The following SIN3B variants were observed in gnomAD, a reference collection of about 807,000 sequenced individuals.
The protein encoded by SIN3B is paired amphipathic helix protein Sin3b.
SIN3B carries 19 observed loss-of-function variants against 120.2 expected under a neutral mutation model. The ratio of observed to expected loss-of-function variants is 0.16; its 90% CI spans 0.11 to 0.23. The LOEUF is 0.23. Among genes scored for constraint, SIN3B ranks in the 10% least tolerant of loss-of-function variants. SIN3B has a pLI of 1.00. For synonymous variants in SIN3B, 654 were observed against 653.2 expected (o/e 1.00, Z -0.02); for missense variants, 1,073 against 1,573.0 (o/e 0.68, Z 5.38).
chr19:16,840,249 A>G (rs540138144), intron 3 of SIN3B, among the ~76,000 whole-genome samples: 36 of 152,096 alleles, frequency 2.4e-4, no homozygotes, highest in Non-Finnish European at 1.2e-4. Context: ...AGGTGATTTA[A>G]CTGAGGCCGT....
chr19:16,874,256 C>T (rs1165185174), intron 14 of SIN3B, among the ~76,000 whole-genome samples: 1 of 152,212 alleles, frequency 6.6e-6, no homozygotes, highest in African/African-American at 2.4e-5. Context: ...TTTCTCACAC[C>T]CGGGCAGGGT....
chr19:16,833,755 G>T (rs967829082), intron 3 of SIN3B, among the ~76,000 whole-genome samples: 2 of 150,788 alleles, frequency 1.3e-5, no homozygotes, highest in East Asian at 3.9e-4. Flanking sequence ...AAGGAGTCTC[G>T]CTCTGTCACC....
chr19:16,862,692 G>T lies in SIN3B; in HGVS notation c.1266+133G>T. The T allele has an allele frequency of 1.8e-6, 2 of 1,128,982 alleles. No homozygotes were observed. The highest frequency in any genetic ancestry group is 2.6e-6 in the Non-Finnish European group (2 of 763,068). 69.9% of individuals were successfully genotyped at this position (1,128,982 alleles called of 1,614,324 possible). On this transcript the variant is annotated intron_variant, in intron 9 of 18. Coordinates refer to ENST00000248054, the MANE Select transcript of SIN3B (RefSeq NM_001297595.2). This position sits in a 1 kb window ranked among gnomAD's most constrained non-coding sequence, Gnocchi z 4.7. ...TCCTGAATGTTGGGTTATGGGTGGT[G>T]CTGGGATGTGGCCCGGCAAAACCAC... is the stretch of plus-strand genomic sequence containing the variant.
rs200950203 is a variant in SIN3B, at chr19:16,853,024, C to T, written c.850-45C>T. 15 of 1,528,276 alleles carry T rather than the reference C, an allele frequency of 9.8e-6. No individual in the cohort carries two copies. In the Admixed American group the frequency reaches 1.9e-4, roughly 19 times the overall value. The allele number at this position is 1,528,276 out of a possible 1,614,324, so 94.7% of individuals were successfully genotyped here. On this transcript the variant is annotated intron_variant, in intron 6 of 18. Coordinates refer to ENST00000248054, the MANE Select transcript of SIN3B (RefSeq NM_001297595.2). ...CTGTGACAGCGATGGACAGAGGCCA[C>T]CGGTGGGAGGCACAGTGTTAACTGC...
At chr19:16,871,557 T>G (rs2051511947) in intron 14 of SIN3B, 159 bp downstream of exon 14, 1 of 651,082 alleles carries the variant, frequency 1.5e-6, no homozygotes, top group African/African-American at 1.8e-5. Context: ...TTAACCATTT[T>G]GAAGTGTACA....
At chr19:16,833,759 T>C (rs551013988) in intron 3 of SIN3B, among the ~76,000 whole-genome samples, 2 of 151,424 alleles carry the variant, frequency 1.3e-5, no homozygotes, top group East Asian at 3.9e-4. Context: ...AGTCTCGCTC[T>C]GTCACCCAGG....
intron 12 of SIN3B, among the ~76,000 whole-genome samples, chr19:16,866,760 C>A (rs1431607722): frequency 6.6e-6 from 1 of 152,128 alleles, no homozygotes; most frequent in African/African-American, 2.4e-5. Context: ...CATTGTCTAT[C>A]TGTTTGTTTG....
chr19:16,864,451 C>T (rs1006007172), intron 10 of SIN3B, among the ~76,000 whole-genome samples: 6 of 151,774 alleles, frequency 4.0e-5, no homozygotes, highest in African/African-American at 1.5e-4. Context: ...ACCTCAGCCT[C>T]CTGAGTAACT....
At chr19:16,873,750 G>A (rs970482476) in intron 14 of SIN3B, among the ~76,000 whole-genome samples, 1 of 152,238 alleles carries the variant, frequency 6.6e-6, no homozygotes, top group Non-Finnish European at 1.5e-5. Flanking sequence ...CTGCCCTGCT[G>A]TCCCAGCTGT....
At chr19:16,874,577 T>G (rs997918788) in intron 14 of SIN3B, among the ~76,000 whole-genome samples, 2 of 151,990 alleles carry the variant, frequency 1.3e-5, no homozygotes, top group Admixed American at 1.3e-4. Flanking sequence ...TCTGATTTGG[T>G]CTGGTCTGGT....
chr19:16,871,489 A>G (rs1000346585), intron 14 of SIN3B, 91 bp downstream of exon 14: 2 of 1,238,974 alleles, frequency 1.6e-6, no homozygotes, highest in Non-Finnish European at 2.2e-6. Context: ...GCCCGTGGTC[A>G]GCACAGCAAA....
intron 14 of SIN3B, among the ~76,000 whole-genome samples, chr19:16,875,704 G>T (rs1021509193): frequency 6.9e-6 from 1 of 144,230 alleles, no homozygotes; most frequent in Non-Finnish European, 1.5e-5. Flanking sequence ...TGGTCGGTTC[G>T]GTCTGGTCTG....
intron 14 of SIN3B, among the ~76,000 whole-genome samples, chr19:16,874,983 G>T (rs2051569863): frequency 6.7e-6 from 1 of 150,276 alleles, no homozygotes; most frequent in Admixed American, 6.6e-5. Context: ...GATTTGATTT[G>T]GTCTGGTTTG....
intron 8 of SIN3B, among the ~76,000 whole-genome samples, chr19:16,857,260 G>A (rs1971627757): frequency 6.6e-6 from 1 of 152,136 alleles, no homozygotes; most frequent in South Asian, 2.1e-4. Flanking sequence ...GAATCTGACT[G>A]TTCCAAAATA....
Position 16,854,218 on chromosome 19 carries a change from G to C in SIN3B, c.1015G>C (p.Val339Leu), listed in dbSNP as rs753160742. 2.5e-6 allele frequency: 4 copies of C among 1,613,028 alleles called. No individual in the cohort carries two copies. The highest frequency in any genetic ancestry group is 3.4e-6 in the Non-Finnish European group (4 of 1,179,956). ...CATCGCACTCTTCAACCAGGAGCTG[G>C]TGTCTGGCTCTGAGCTCCTGCAGCT... ...RCIALFNQEL[V>L]SGSELLQLVS... The change falls in exon 8 of 19, where the codon GTG (valine) becomes CTG (leucine). Residue 339 changes from valine to leucine, a missense_variant. This residue lies in a region of SIN3B where 395 missense variants were observed against 528.0 expected (regional missense o/e 0.75). Coordinates refer to ENST00000248054, the MANE Select transcript of SIN3B (RefSeq NM_001297595.2).
At chr19:16,857,517 ATGTG>A (rs72233219) in intron 8 of SIN3B, among the ~76,000 whole-genome samples, 1,542 of 93,392 alleles carry the variant, frequency 0.017, 27 homozygotes, top group African/African-American at 0.046. Flanking sequence ...TAAAAAAAAT[ATGTG>A]TGTGTGTGTG....
chr19:16,857,517 A>ACGTGTGTGTG (rs1462562243), intron 8 of SIN3B, among the ~76,000 whole-genome samples: 9 of 93,372 alleles, frequency 9.6e-5, no homozygotes, highest in African/African-American at 3.0e-4. Context: ...TAAAAAAAAT[A>ACGTGTGTGTG]TGTGTGTGTG....
Position 16,877,528 on chromosome 19 carries a change from T to A in SIN3B, c.2860-17T>A. The A allele has an allele frequency of 6.3e-7, 1 of 1,584,484 alleles. No homozygotes were observed. The highest frequency in any genetic ancestry group is 8.6e-7 in the Non-Finnish European group (1 of 1,162,240). ...TGCTGTAGGGGCATCACGGGCTGTG[T>A]CTCTCCCTGTCCCCAGCACCTGGCT... On this transcript the variant is annotated splice_polypyrimidine_tract_variant and intron_variant, in intron 16 of 18. Coordinates refer to ENST00000248054, the MANE Select transcript of SIN3B (RefSeq NM_001297595.2).
chr19:16,845,199 C>G (rs1358246011), intron 4 of SIN3B, among the ~76,000 whole-genome samples: 1 of 152,216 alleles, frequency 6.6e-6, no homozygotes, highest in Non-Finnish European at 1.5e-5. Flanking sequence ...TGAGGGCGTA[C>G]TATGCATTCA....
Sources: gnomAD v4.1 joint callset for allele counts (sites outside exome capture counted in the v4.1 genomes callset) on GRCh38, gnomAD v4.1.1 for gene constraint, gnomAD v4.1.1 regional missense constraint, Gnocchi (gnomAD v3.1) non-coding constraint, MANE v1.5 for transcripts, NCBI Gene and HGNC (gene_info 2026-07-23, HGNC 2026-07-21) for gene names.